The following GRID1 variants were observed in gnomAD, a reference collection of about 807,000 sequenced individuals.
GRID1 encodes glutamate ionotropic receptor delta type subunit 1.
In GRID1, 28 loss-of-function variants were observed where a neutral mutation model predicts 98.0. That is an observed-to-expected ratio of 0.29 (90% CI 0.21 to 0.39). The LOEUF is 0.39. Ranked by LOEUF, GRID1 falls within the 10% of genes least tolerant of loss-of-function variation. GRID1 has a pLI of 1.00. For missense variants in GRID1, 1,111 were observed against 1,340.5 expected, an observed-to-expected ratio of 0.83 and a Z score of 2.67; for synonymous variants, 553 against 538.5, an observed-to-expected ratio of 1.03 and a Z score of -0.37.
chr10:85,887,030 T>C (rs966315769), intron 5 of GRID1, among the ~76,000 whole-genome samples: 2 of 152,198 alleles, frequency 1.3e-5, no homozygotes, highest in Non-Finnish European at 2.9e-5. Flanking sequence ...TTCCAAACCA[T>C]GGTGTCAGTA....
At chr10:85,672,411 G>A (rs1303066385) in intron 12 of GRID1, among the ~76,000 whole-genome samples, 5 of 152,142 alleles carry the variant, frequency 3.3e-5, no homozygotes, top group Admixed American at 6.5e-5. Context: ...GGGTTCAAGC[G>A]ATTCTCCTGT....
At chr10:85,948,565 A>G (rs1339795724) in intron 4 of GRID1, among the ~76,000 whole-genome samples, 1 of 152,172 alleles carries the variant, frequency 6.6e-6, no homozygotes, top group Non-Finnish European at 1.5e-5. Flanking sequence ...AACATTATGA[A>G]CCTATCTTTT....
At chr10:85,709,925 T>TA (rs1328391229) in intron 12 of GRID1, among the ~76,000 whole-genome samples, 4 of 151,954 alleles carry the variant, frequency 2.6e-5, no homozygotes, top group African/African-American at 9.7e-5. Context: ...ACTTAGGTGA[T>TA]AAAAAACAAT....
chr10:85,646,869 C>T, intron 13 of GRID1: 2 of 322,330 alleles, frequency 6.2e-6, no homozygotes, highest in Non-Finnish European at 1.2e-5. Flanking sequence ...TCGCTTGGCA[C>T]TCTGCTACTG....
intron 4 of GRID1, among the ~76,000 whole-genome samples, chr10:85,925,439 A>G (rs1589300860): frequency 6.6e-6 from 1 of 152,178 alleles, no homozygotes; most frequent in South Asian, 2.1e-4. Flanking sequence ...CAGCCTCTGC[A>G]GTGTGCACTG....
intron 2 of GRID1, among the ~76,000 whole-genome samples, chr10:86,223,422 T>A (rs555957021): frequency 1.3e-5 from 2 of 152,340 alleles, no homozygotes; most frequent in African/African-American, 4.8e-5. Flanking sequence ...ATGCCCTGCC[T>A]GGCACGCATG....
At chr10:85,736,009 A>AGGAG in intron 8 of GRID1, among the ~76,000 whole-genome samples, 1 of 121,986 alleles carries the variant, frequency 8.2e-6, no homozygotes, top group Non-Finnish European at 1.7e-5. Flanking sequence ...AAGGGAAGGA[A>AGGAG]GGAGGGAGGG....
At chr10:85,847,569 A>C (rs1843018228) in intron 8 of GRID1, among the ~76,000 whole-genome samples, 2 of 152,254 alleles carry the variant, frequency 1.3e-5, no homozygotes, top group African/African-American at 2.4e-5. Context: ...TATAGCTTAT[A>C]ATAAAATGTG....
Position 85,982,123 on chromosome 10 carries a change from G to C in GRID1, c.727-65884C>G, listed in dbSNP as rs140660672. 3.9e-3 allele frequency among the ~76,000 whole-genome samples: 585 copies of C among 151,810 alleles called. 3 individuals are homozygous for C. The highest frequency in any genetic ancestry group is 0.013 in the African/African-American group (535 of 41,350). On this transcript the variant is annotated intron_variant, in intron 4 of 15. Coordinates refer to ENST00000327946, the MANE Select transcript of GRID1 (RefSeq NM_017551.3). ...CCAGGTGAGTCTGGGGAATGAAGTT[G>C]GAGACCAGGACAGATGGAAAAATGG...
At chr10:85,633,655 G>A (rs560161393) in intron 13 of GRID1, among the ~76,000 whole-genome samples, 111 of 152,308 alleles carry the variant, frequency 7.3e-4, no homozygotes, top group African/African-American at 2.5e-3. Context: ...TTATGTGGAA[G>A]AGCCTCATCC....
intron 4 of GRID1, among the ~76,000 whole-genome samples, chr10:86,103,211 C>T (rs1844325434): frequency 6.6e-6 from 1 of 152,158 alleles, no homozygotes; most frequent in African/African-American, 2.4e-5. Context: ...ACACCCCTCA[C>T]TGGTCAGCCC....
intron 15 of GRID1, chr10:85,613,135 G>A (rs945843878): frequency 1.7e-5 from 8 of 471,704 alleles, no homozygotes; most frequent in Admixed American, 3.8e-5. Flanking sequence ...CGCTGCCCAC[G>A]CTGTACCTGC....
intron 8 of GRID1, among the ~76,000 whole-genome samples, chr10:85,835,857 A>G (rs1238099346): frequency 6.6e-6 from 1 of 152,214 alleles, no homozygotes; most frequent in Non-Finnish European, 1.5e-5. Context: ...ATGGAATCAG[A>G]CTAGAATTCA....
At chr10:85,999,080 G>T (rs1245825014) in intron 4 of GRID1, among the ~76,000 whole-genome samples, 1 of 152,072 alleles carries the variant, frequency 6.6e-6, no homozygotes, top group African/African-American at 2.4e-5. Flanking sequence ...GGATGTGGTG[G>T]TGCACGTCTA....
At chr10:85,766,218 G>T (rs1027498173) in intron 8 of GRID1, among the ~76,000 whole-genome samples, 1 of 152,240 alleles carries the variant, frequency 6.6e-6, no homozygotes, top group African/African-American at 2.4e-5. Context: ...GGGCACAGTG[G>T]CTCACGCCTA....
chr10:85,980,593 C>A (rs1366974113), intron 4 of GRID1, among the ~76,000 whole-genome samples: 4 of 152,200 alleles, frequency 2.6e-5, no homozygotes. Flanking sequence ...GCAGACAAAC[C>A]TCCCTGCTCC....
intron 12 of GRID1, among the ~76,000 whole-genome samples, chr10:85,680,316 A>G (rs1841193759): frequency 6.6e-6 from 1 of 152,010 alleles, no homozygotes; most frequent in Admixed American, 6.6e-5. Flanking sequence ...CCTGGCGACT[A>G]CACCCTCACT....
At chr10:86,048,564 G>A (rs1843456675) in intron 4 of GRID1, among the ~76,000 whole-genome samples, 1 of 152,138 alleles carries the variant, frequency 6.6e-6, no homozygotes, top group African/African-American at 2.4e-5. Flanking sequence ...CCAGGCTAGG[G>A]GCCTGGGCTG....
intron 13 of GRID1, among the ~76,000 whole-genome samples, chr10:85,622,138 C>G (rs1424931507): frequency 2.0e-5 from 3 of 152,090 alleles, no homozygotes; most frequent in Admixed American, 1.3e-4. Flanking sequence ...TTCCTTCAAG[C>G]CATTTGGGCA....
Sources: gnomAD v4.1 joint callset for allele counts (sites outside exome capture counted in the v4.1 genomes callset) on GRCh38, gnomAD v4.1.1 for gene constraint, MANE v1.5 for transcripts, NCBI Gene and HGNC (gene_info 2026-07-23, HGNC 2026-07-21) for gene names.